Variants in CDH18 observed in about 807,000 individuals in gnomAD.
The protein encoded by CDH18 is cadherin 18.
A neutral mutation model predicts 67.9 loss-of-function variants in CDH18; 31 were observed. That is an observed-to-expected ratio of 0.46 (90% CI 0.34 to 0.62). The LOEUF is 0.62. Among genes scored for constraint, CDH18 ranks in the 20% least tolerant of loss-of-function variants. The pLI is 0.01. For synonymous variants in CDH18, 362 were observed against 347.2 expected, an observed-to-expected ratio of 1.04 and a Z score of -0.48; for missense variants, 890 against 975.5, an observed-to-expected ratio of 0.91 and a Z score of 1.17.
intron 10 of CDH18, among the ~76,000 whole-genome samples, chr5:19,509,872 T>C (rs1744847856): frequency 6.6e-6 from 1 of 152,152 alleles, no homozygotes; most frequent in Admixed American, 6.6e-5. Context: ...AATATTTTTC[T>C]CAGGCAACAT....
chr5:20,416,851 C>A (rs1311796263), intron 1 of CDH18, among the ~76,000 whole-genome samples: 1 of 151,844 alleles, frequency 6.6e-6, no homozygotes, highest in African/African-American at 2.4e-5. Context: ...AAAAATAATT[C>A]CAGGATCAGT....
intron 2 of CDH18, among the ~76,000 whole-genome samples, chr5:20,238,285 A>G (rs1427898068): frequency 6.6e-6 from 1 of 152,122 alleles, no homozygotes; most frequent in Non-Finnish European, 1.5e-5. Context: ...ATGACAAGAA[A>G]TCAAACAGCA....
At chr5:20,552,100 A>G (rs1757663709) in intron 1 of CDH18, among the ~76,000 whole-genome samples, 3 of 152,146 alleles carry the variant, frequency 2.0e-5, no homozygotes. Context: ...ATGTTTGCCA[A>G]AGATTTGCTA....
Position 19,642,958 on chromosome 5 carries a change from C to G in CDH18, c.644-30357G>C, listed in dbSNP as rs182510420. Among the ~76,000 whole-genome samples the G allele has an allele frequency of 7.9e-5, 12 of 152,028 alleles. No individual in the cohort carries two copies. In the East Asian group the frequency reaches 1.9e-3, roughly 24 times the overall value. On this transcript the variant is annotated intron_variant, in intron 5 of 12. Transcript: ENST00000382275. ...TAATATCCAAAATATATACAGAACT[C>G]ACACCTAAATAGCAAAAAAACAACA...
chr5:19,634,820 C>T (rs1752901754), intron 5 of CDH18, among the ~76,000 whole-genome samples: 1 of 151,678 alleles, frequency 6.6e-6, no homozygotes, highest in African/African-American at 2.4e-5. Flanking sequence ...GCCTGTAATC[C>T]CAGCTACTTG....
At chr5:19,969,328 G>A (rs1797794857) in intron 2 of CDH18, among the ~76,000 whole-genome samples, 1 of 142,516 alleles carries the variant, frequency 7.0e-6, no homozygotes, top group Non-Finnish European at 1.5e-5. Context: ...ATTTGACCCA[G>A]CCATCCCATT....
At chr5:19,775,378 GCTGTACAGGAAGCATAGA>G (rs1774238066) in intron 3 of CDH18, among the ~76,000 whole-genome samples, 1 of 151,998 alleles carries the variant, frequency 6.6e-6, no homozygotes, top group South Asian at 2.1e-4. Context: ...GGTTCCACAG[GCTGTACAGGAAGCATAGA>G]GGAATCTGCT....
intron 9 of CDH18, among the ~76,000 whole-genome samples, chr5:19,537,385 CTCTT>C (rs372768119): frequency 4.0e-4 from 61 of 152,200 alleles, no homozygotes; most frequent in East Asian, 3.5e-3. Flanking sequence ...CTTTCTCTCT[CTCTT>C]TCTCTATTTA....
intron 1 of CDH18, among the ~76,000 whole-genome samples, chr5:20,473,325 G>A (rs1284414232): frequency 6.6e-6 from 1 of 152,098 alleles, no homozygotes; most frequent in Non-Finnish European, 1.5e-5. Context: ...CCGAATTTAT[G>A]TTTGACTGCA....
rs370097716 is a variant in CDH18 at position 19,955,886 on chromosome 5, T to C, written c.-257+25174A>G. On this transcript the variant is annotated intron_variant, in intron 2 of 12. Transcript: ENST00000382275. ...GGATGTTACTCTCACCAAGAAAATATACCAATTGAAAATACATACATTACA... is the reference window on the plus strand; with the variant it reads ...GGATGTTACTCTCACCAAGAAAATACACCAATTGAAAATACATACATTACA... Among the ~76,000 whole-genome samples, 91 of 152,066 alleles carry C rather than the reference T, an allele frequency of 6.0e-4. No homozygotes were observed. The South Asian group carries it at 0.016, about 27-fold the overall frequency.
At chr5:19,605,622 C>A (rs1747911681) in intron 6 of CDH18, among the ~76,000 whole-genome samples, 1 of 151,860 alleles carries the variant, frequency 6.6e-6, no homozygotes, top group African/African-American at 2.4e-5. Flanking sequence ...TAAAACAACT[C>A]TAAAAGATGC....
At chr5:19,521,904 T>A (rs975639830) in intron 9 of CDH18, among the ~76,000 whole-genome samples, 2 of 151,872 alleles carry the variant, frequency 1.3e-5, no homozygotes, top group African/African-American at 4.8e-5. Flanking sequence ...TCAAAATTTT[T>A]ATTTATTTAT....
intron 1 of CDH18, among the ~76,000 whole-genome samples, chr5:20,393,582 ATC>A (rs1364372062): frequency 6.6e-6 from 1 of 151,870 alleles, no homozygotes; most frequent in Non-Finnish European, 1.5e-5. Context: ...CAACTACACT[ATC>A]TCTGTTTGCT....
intron 2 of CDH18, among the ~76,000 whole-genome samples, chr5:19,924,280 G>T (rs764414983): frequency 9.2e-5 from 14 of 151,984 alleles, no homozygotes; most frequent in African/African-American, 2.9e-4. Flanking sequence ...CCTCCTCAGT[G>T]CCACTCTCTA....
chr5:19,714,801 TTTA>T (rs1417561922), intron 5 of CDH18, among the ~76,000 whole-genome samples: 2 of 152,030 alleles, frequency 1.3e-5, no homozygotes, highest in Non-Finnish European at 2.9e-5. Context: ...GTCATTATAC[TTTA>T]TTTTGCTTAA....
intron 10 of CDH18, among the ~76,000 whole-genome samples, chr5:19,507,526 C>T (rs1744394720): frequency 6.6e-6 from 1 of 152,070 alleles, no homozygotes. Context: ...CAATGATAGA[C>T]TGGATTAAGA....
chr5:20,247,372 A>T (rs1743462290), intron 2 of CDH18, among the ~76,000 whole-genome samples: 1 of 152,220 alleles, frequency 6.6e-6, no homozygotes, highest in Non-Finnish European at 1.5e-5. Flanking sequence ...AGTAAAATGT[A>T]AAAATAAATA....
At chr5:19,667,859 C>A (rs1171773489) in intron 5 of CDH18, among the ~76,000 whole-genome samples, 1 of 151,794 alleles carries the variant, frequency 6.6e-6, no homozygotes, top group Non-Finnish European at 1.5e-5. Context: ...TACCAAATGG[C>A]ATCAAACAAA....
rs114661257 is a variant in CDH18 at position 19,654,761 on chromosome 5, T to C, written c.644-42160A>G. 2.7e-3 allele frequency among the ~76,000 whole-genome samples: 404 copies of C among 152,194 alleles called. 1 individual carries two copies. Among genetic ancestry groups the C allele is most frequent in the African/African-American group, 9.4e-3 (390 of 41,524 alleles). On this transcript the variant is annotated intron_variant, in intron 5 of 12. Coordinates refer to ENST00000382275, the MANE Select transcript of CDH18 (RefSeq NM_004934.5). ...ACTGAAGGATGGTAAAGGCGGGGGA[T>C]TTTATTCCCGGAGGGAGGTAGCTCT...
Sources: allele counts gnomAD v4.1 joint callset (sites outside exome capture counted in the v4.1 genomes callset), GRCh38; gene constraint gnomAD v4.1.1; transcripts MANE v1.5; gene names NCBI Gene and HGNC (gene_info 2026-07-23, HGNC 2026-07-21).